Variants in SCAF8 observed in about 807,000 individuals in gnomAD.
SCAF8 encodes SR-related CTD associated factor 8.
Under a neutral mutation model 140.5 loss-of-function variants are expected in SCAF8, and 23 were observed. The ratio of observed to expected loss-of-function variants is 0.16; its 90% CI spans 0.12 to 0.23. The LOEUF (loss-of-function observed/expected upper bound fraction) is 0.23, where lower values mean the gene tolerates loss of function less well. Ranked by LOEUF, SCAF8 falls within the 10% of genes least tolerant of loss-of-function variation. The pLI is 1.00. For synonymous variants in SCAF8, 575 were observed against 528.9 expected (o/e 1.09, Z -1.20); for missense variants, 1,397 against 1,555.7 (o/e 0.90, Z 1.72).
In SCAF8 at chr6:154,831,919, C is replaced by T. The variant is rs536905927; in HGVS notation, c.2360-20C>T. The T allele has an allele frequency of 9.1e-5, 142 of 1,556,860 alleles. No homozygotes were observed. Among genetic ancestry groups the T allele is most frequent in the African/African-American group, 4.6e-4 (33 of 72,260 alleles). On this transcript the variant is annotated intron_variant, in intron 19 of 19. Coordinates refer to ENST00000367178, the MANE Select transcript of SCAF8 (RefSeq NM_014892.5). ...TTTTGACTGTTATTTTGAGTTTTTT[C>T]TCTCTCTCTTTTTTTTTAGTGATTC...
intron 18 of SCAF8, among the ~76,000 whole-genome samples, chr6:154,827,868 G>C (rs1297522539): frequency 2.0e-5 from 3 of 147,170 alleles, no homozygotes; most frequent in African/African-American, 7.4e-5. Context: ...TTATTTTTTA[G>C]AGCAGTTTTT....
At position 154,733,458 on chromosome 6, in the gene SCAF8, G is replaced by C; in HGVS notation, c.-443G>C. 2 of 1,380,008 alleles carry C rather than the reference G, an allele frequency of 1.4e-6. No individual in the cohort carries two copies. The highest frequency in any genetic ancestry group is 1.6e-5 in the South Asian group (1 of 62,710). 85.5% of individuals were successfully genotyped at this position (1,380,008 alleles called of 1,614,324 possible). A position where few individuals can be genotyped will look rare whatever the true frequency, so the allele number is the denominator to read the frequency against. On this transcript the variant is annotated 5_prime_UTR_variant, in exon 1 of 20. Coordinates refer to ENST00000367178, the MANE Select transcript of SCAF8 (RefSeq NM_014892.5). Reference sequence around the variant, plus strand: ...CGCTGCTGCCAGCGCTTCCTCCTCTGTCTTCGCCGAGCGGGGCTGGTTCCT... The same window carrying C: ...CGCTGCTGCCAGCGCTTCCTCCTCTCTCTTCGCCGAGCGGGGCTGGTTCCT...
intron 5 of SCAF8, among the ~76,000 whole-genome samples, 167 bp from the exon 6 acceptor site, chr6:154,794,842 A>G (rs1240314038): frequency 2.9e-5 from 4 of 137,832 alleles, no homozygotes; most frequent in Admixed American, 1.6e-4. Flanking sequence ...TAATGTACCT[A>G]ATTCTGTAAA....
chr6:154,829,711 A>G (rs1464569873), intron 18 of SCAF8, among the ~76,000 whole-genome samples: 1 of 152,164 alleles, frequency 6.6e-6, no homozygotes, highest in Non-Finnish European at 1.5e-5. Flanking sequence ...GTTTCAGACC[A>G]GCCTGGCCAA....
At chr6:154,825,384 G>C (rs758598910) in intron 17 of SCAF8, 1 of 152,096 alleles carries the variant, frequency 6.6e-6, no homozygotes, top group Non-Finnish European at 1.5e-5. Context: ...GTTTAAGATA[G>C]AGCTTTTAGG....
intron 19 of SCAF8, among the ~76,000 whole-genome samples, chr6:154,831,651 T>C (rs1338745979): frequency 1.4e-5 from 2 of 139,866 alleles, no homozygotes; most frequent in African/African-American, 2.7e-5. Context: ...AAGCATACTT[T>C]TCTTTCCTTT....
chr6:154,784,041 TG>T (rs1176649683), intron 3 of SCAF8, among the ~76,000 whole-genome samples: 2 of 150,798 alleles, frequency 1.3e-5, no homozygotes, highest in Non-Finnish European at 3.0e-5. Context: ...CACTCCAGCC[TG>T]GGTGACAGAG....
chr6:154,773,983 C>G lies in SCAF8; in HGVS notation c.31-6C>G. 1.3e-6 allele frequency: 2 copies of G among 1,593,660 alleles called. No homozygotes were observed. The highest frequency in any genetic ancestry group is 1.7e-6 in the Non-Finnish European group (2 of 1,166,608). On this transcript the variant is annotated splice_region_variant and splice_polypyrimidine_tract_variant and intron_variant, in intron 1 of 19. Coordinates refer to ENST00000367178, the MANE Select transcript of SCAF8 (RefSeq NM_014892.5). Reference sequence around the variant, plus strand: ...GCTGTATGTAAATTTGTTCTTTTTTCATCAGTTGTATTCCCTGAATGACTA... The same window carrying G: ...GCTGTATGTAAATTTGTTCTTTTTTGATCAGTTGTATTCCCTGAATGACTA...
chr6:154,770,608 G>C lies in SCAF8; in HGVS notation c.31-3381G>C, dbSNP rs545144987. On this transcript the variant is annotated intron_variant, in intron 1 of 19. Coordinates refer to ENST00000367178, the MANE Select transcript of SCAF8 (RefSeq NM_014892.5). ...AAAAAAAAAAATTCTTAGAAAGTAT[G>C]TGATGGGATCCTAATTCTTGTCGAC... 2.3e-3 allele frequency among the ~76,000 whole-genome samples: 352 copies of C among 152,198 alleles called. 1 individual carries two copies. Among genetic ancestry groups the C allele is most frequent in the African/African-American group, 8.3e-3 (343 of 41,526 alleles).
chr6:154,782,591 T>C (rs1179736160), intron 3 of SCAF8, among the ~76,000 whole-genome samples: 2 of 152,156 alleles, frequency 1.3e-5, no homozygotes, highest in Non-Finnish European at 2.9e-5. Flanking sequence ...TATACACACA[T>C]ATATAGGGTA....
intron 1 of SCAF8, among the ~76,000 whole-genome samples, chr6:154,759,102 G>A (rs143926562): frequency 6.6e-6 from 1 of 152,222 alleles, no homozygotes; most frequent in Non-Finnish European, 1.5e-5. Context: ...CTGGTTTCCA[G>A]TTTGCCTGCT....
In SCAF8 at chr6:154,744,972, G is replaced by A. The variant is rs191561414; in HGVS notation, c.30+11042G>A. The stretch of plus-strand genomic sequence containing the variant: ...AACTCTGTGTATTTTAAAAACAAGC[G>A]CATTTTATTTAACTATAGTACAATG... On this transcript the variant is annotated intron_variant, in intron 1 of 19. Transcript: ENST00000367178. Among the ~76,000 whole-genome samples the A allele has an allele frequency of 1.2e-4, 19 of 152,154 alleles. 1 individual carries two copies. The highest frequency in any genetic ancestry group is 4.6e-4 in the Admixed American group (7 of 15,272).
At chr6:154,784,143 A>G (rs377306155) in intron 3 of SCAF8, among the ~76,000 whole-genome samples, 9 of 84,762 alleles carry the variant, frequency 1.1e-4, no homozygotes, top group African/African-American at 5.2e-4. Context: ...ATATATATAT[A>G]TATATATATA....
At chr6:154,799,294 A>G (rs1387853648) in intron 6 of SCAF8, among the ~76,000 whole-genome samples, 1 of 150,994 alleles carries the variant, frequency 6.6e-6, no homozygotes, top group African/African-American at 2.4e-5. Flanking sequence ...TTATTTTTAT[A>G]TAGAGACAGG....
At chr6:154,796,942 A>T (rs1411523758) in intron 6 of SCAF8, among the ~76,000 whole-genome samples, 1 of 151,926 alleles carries the variant, frequency 6.6e-6, no homozygotes, top group Non-Finnish European at 1.5e-5. Flanking sequence ...ATTGCACTGT[A>T]GCCTGGGTGA....
chr6:154,779,640 A>C (rs1777024358), intron 3 of SCAF8, among the ~76,000 whole-genome samples: 1 of 152,182 alleles, frequency 6.6e-6, no homozygotes, highest in Non-Finnish European at 1.5e-5. Flanking sequence ...CTCTATCGTG[A>C]GATAATTACA....
chr6:154,828,360 A>G (rs954422725), intron 18 of SCAF8, among the ~76,000 whole-genome samples: 1 of 152,062 alleles, frequency 6.6e-6, no homozygotes, highest in Non-Finnish European at 1.5e-5. Context: ...TCTCAGAGTC[A>G]TGAGATCTAT....
At position 154,733,714 on chromosome 6, in the gene SCAF8, C is replaced by G. The variant is rs1582983953; in HGVS notation, c.-187C>G. On this transcript the variant is annotated 5_prime_UTR_variant, in exon 1 of 20. Coordinates refer to ENST00000367178, the MANE Select transcript of SCAF8 (RefSeq NM_014892.5). ...CCCTAGCGGCCATGCCGGTGCCGCT[C>G]TGCCGCTGAGGGAGCCCTTCCCCGC... The G allele has an allele frequency of 1.5e-6, 2 of 1,318,692 alleles. No individual in the cohort carries two copies. The highest frequency in any genetic ancestry group is 1.9e-6 in the Non-Finnish European group (2 of 1,037,628). The allele number at this position is 1,318,692 out of a possible 1,614,324, so 81.7% of individuals were successfully genotyped here. A position where few individuals can be genotyped will look rare whatever the true frequency, so the allele number is the denominator to read the frequency against.
intron 17 of SCAF8, 144 bp downstream of exon 17, chr6:154,824,522 C>G (rs1778508579): frequency 1.4e-6 from 1 of 698,650 alleles, no homozygotes; most frequent in Admixed American, 2.7e-5. Flanking sequence ...TGGGCCCAGC[C>G]TCCACTGTTT....
Sources: gnomAD v4.1 joint callset for allele counts (sites outside exome capture counted in the v4.1 genomes callset) on GRCh38, gnomAD v4.1.1 for gene constraint, MANE v1.5 for transcripts, NCBI Gene and HGNC (gene_info 2026-07-23, HGNC 2026-07-21) for gene names.